Variants in UPF2 observed in about 807,000 individuals in gnomAD.
The protein encoded by UPF2 is UPF2 regulator of nonsense mediated mRNA decay.
Under a neutral mutation model 141.4 loss-of-function variants are expected in UPF2, and 17 were observed. The observed-to-expected ratio is 0.12, with a 90% CI of 0.08 to 0.18. The LOEUF (loss-of-function observed/expected upper bound fraction) is 0.18. Ranked by LOEUF, UPF2 falls within the 10% of genes least tolerant of loss-of-function variation. The pLI is 1.00. For synonymous variants in UPF2, 540 were observed against 498.0 expected, an observed-to-expected ratio of 1.08 and a Z score of -1.12; for missense variants, 1,152 against 1,515.9, an observed-to-expected ratio of 0.76 and a Z score of 3.99.
chr10:12,041,083 G>T (rs1042681855), intron 1 of UPF2, among the ~76,000 whole-genome samples: 1 of 152,074 alleles, frequency 6.6e-6, no homozygotes, highest in Non-Finnish European at 1.5e-5. Flanking sequence ...TACAAACACC[G>T]TGATTCACCT....
At chr10:12,004,188 G>A (rs182459688) in intron 5 of UPF2, among the ~76,000 whole-genome samples, 106 of 152,242 alleles carry the variant, frequency 7.0e-4, no homozygotes, top group Non-Finnish European at 4.4e-5. Flanking sequence ...GGCAGTACAG[G>A]TAATGAGCAT....
chr10:12,029,437 A>G lies in UPF2; in HGVS notation c.453T>C (p.Ala151=). 6.2e-7 allele frequency: 1 copy of G among 1,613,904 alleles called. No individual in the cohort carries two copies. Among genetic ancestry groups the G allele is most frequent in the Non-Finnish European group, 8.5e-7 (1 of 1,179,998 alleles). Residue 151 remains alanine, a synonymous_variant, in exon 3 of 22, where the codon GCT becomes GCC. Transcript: ENST00000357604. ...RKELRSKNQN[A]PDSRPEENFF... is the part of the protein sequence containing the mutation. Reference sequence around the variant, plus strand: ...AGTTTTCCTCTGGTCGGCTGTCCGGAGCATTTTGGTTTTTGCTACGAAGTT... The same window carrying G: ...AGTTTTCCTCTGGTCGGCTGTCCGGGGCATTTTGGTTTTTGCTACGAAGTT...
intron 16 of UPF2, among the ~76,000 whole-genome samples, chr10:11,945,556 C>A (rs4509670): frequency 0.023 from 3,470 of 152,292 alleles, 144 homozygotes; most frequent in African/African-American, 0.079. Context: ...GAACCTCCCT[C>A]TGCACATTTT....
chr10:11,946,892 T>C (rs534253567), intron 16 of UPF2, among the ~76,000 whole-genome samples: 1 of 152,298 alleles, frequency 6.6e-6, no homozygotes, highest in East Asian at 1.9e-4. Flanking sequence ...TAAACGTAAG[T>C]GAGTTTGGAA....
In UPF2 at chr10:11,956,832, T is replaced by TCC. The variant is rs971399856; in HGVS notation, c.2371-311_2371-310dup. 6.6e-6 allele frequency among the ~76,000 whole-genome samples: 1 copy of TCC among 151,754 alleles called. No homozygotes were observed. ...CAGGAGTTTGGAGTAGGTTTCTTTTTCCCCCCCAGACACAGTCTCACTCTG... is the reference window on the plus strand; with the variant it reads ...CAGGAGTTTGGAGTAGGTTTCTTTTTCCCCCCCCCAGACACAGTCTCACTCTG... On this transcript the variant is annotated intron_variant, in intron 12 of 21. Coordinates refer to ENST00000357604, the MANE Select transcript of UPF2 (RefSeq NM_015542.4). The surrounding 1 kb of genome is among the most constrained non-coding windows in gnomAD (Gnocchi z 4.2).
chr10:11,922,504 T>A (rs576690578), intron 21 of UPF2, among the ~76,000 whole-genome samples: 2 of 152,306 alleles, frequency 1.3e-5, no homozygotes, highest in South Asian at 2.1e-4. Flanking sequence ...AAAAGGCAGC[T>A]ATCTAACCTA....
intron 18 of UPF2, among the ~76,000 whole-genome samples, chr10:11,942,455 T>G (rs1832948401): frequency 6.6e-6 from 1 of 152,160 alleles, no homozygotes; most frequent in Non-Finnish European, 1.5e-5. Context: ...ATCTTGTGTG[T>G]GTTGCATTTT....
At position 11,944,597 on chromosome 10, in the gene UPF2, G is replaced by T. The variant is rs182140264; in HGVS notation, c.3175-1429C>A. Among the ~76,000 whole-genome samples the T allele has an allele frequency of 2.0e-5, 3 of 152,018 alleles. No individual in the cohort carries two copies. The East Asian group carries it at 5.8e-4, about 29-fold the overall frequency. On this transcript the variant is annotated intron_variant, in intron 16 of 21. Coordinates refer to ENST00000357604, the MANE Select transcript of UPF2 (RefSeq NM_015542.4). ...ATTCAAAATTAAATTTGCAATAGAGGTACTCTTAAATTTGCTCTTGAAAAA... is the reference window on the plus strand; with the variant it reads ...ATTCAAAATTAAATTTGCAATAGAGTTACTCTTAAATTTGCTCTTGAAAAA...
rs549713638 is a variant in UPF2 at position 11,968,146 on chromosome 10, T to G, written c.1954-692A>C. ...GTGAGCCAAGATCATGCCACTGCAC[T>G]CCAGCCTGGGTGACAAGAGCAAGAC... On this transcript the variant is annotated intron_variant, in intron 9 of 21. Transcript: ENST00000357604. Among the ~76,000 whole-genome samples, 25 of 152,070 alleles carry G rather than the reference T, an allele frequency of 1.6e-4. 1 individual carries two copies. The highest frequency in any genetic ancestry group is 1.5e-3 in the Admixed American group (23 of 15,266).
At chr10:12,000,132 A>G in intron 6 of UPF2, 123 bp from the exon 7 acceptor site, 2 of 748,214 alleles carry the variant, frequency 2.7e-6, no homozygotes, top group Non-Finnish European at 2.2e-6. Flanking sequence ...GGAAAACATT[A>G]GTCATTTTTT....
Position 12,021,498 on chromosome 10 carries a change from G to A in UPF2, c.1145+7247C>T, listed in dbSNP as rs1400378902. Among the ~76,000 whole-genome samples, 3 of 152,036 alleles carry A rather than the reference G, an allele frequency of 2.0e-5. No individual in the cohort carries two copies. The East Asian group carries it at 5.8e-4, about 29-fold the overall frequency. Reference sequence around the variant, plus strand: ...GACTGCACCATGACACTCCAGCCTGGGTGACAGGGAAAGACCCTGTCTCAA... The same window carrying A: ...GACTGCACCATGACACTCCAGCCTGAGTGACAGGGAAAGACCCTGTCTCAA... On this transcript the variant is annotated intron_variant, in intron 3 of 21. Coordinates refer to ENST00000357604, the MANE Select transcript of UPF2 (RefSeq NM_015542.4).
chr10:11,990,457 G>T (rs1025058430), intron 8 of UPF2, among the ~76,000 whole-genome samples: 4 of 152,140 alleles, frequency 2.6e-5, no homozygotes, highest in Non-Finnish European at 4.4e-5. Flanking sequence ...AGGCCGGGTG[G>T]ATCACGAGGT....
At chr10:11,950,784 G>T (rs1397550895) in intron 15 of UPF2, among the ~76,000 whole-genome samples, 1 of 152,220 alleles carries the variant, frequency 6.6e-6, no homozygotes, top group Non-Finnish European at 1.5e-5. Context: ...AAAAGGAAAA[G>T]AAAGTAGGTA....
In UPF2 at chr10:12,028,845, G is replaced by T; in HGVS notation, c.1045C>A (p.Gln349Lys). 6.2e-7 allele frequency: 1 copy of T among 1,614,092 alleles called. No homozygotes were observed. Among genetic ancestry groups the T allele is most frequent in the Non-Finnish European group, 8.5e-7 (1 of 1,180,012 alleles). ...TTTAAAAGATTCTGGAAGGGCTGTT[G>T]TTTCTCTGGACTAATTATCTCACTA... The part of the protein sequence containing the change: ...PPSEIISPEK[Q>K]QPFQNLLKEY... Residue 349 changes from glutamine to lysine, a missense_variant, in exon 3 of 22, where the codon CAA (glutamine) becomes AAA (lysine). Physicochemically the swap from Gln to Lys is moderately conservative, Grantham distance 53. Around this residue, in one of 4 missense-constraint regions of UPF2, gnomAD observed 739 missense variants for 1,032.2 expected, o/e 0.72. Transcript: ENST00000357604.
chr10:11,963,692 CA>C (rs1280273913), intron 11 of UPF2, among the ~76,000 whole-genome samples: 2 of 152,204 alleles, frequency 1.3e-5, no homozygotes, highest in African/African-American at 4.8e-5. Flanking sequence ...ACATTCATAA[CA>C]TAACAAAAAC....
intron 6 of UPF2, among the ~76,000 whole-genome samples, chr10:12,000,529 C>A (rs187341824): frequency 1.6e-4 from 25 of 152,224 alleles, no homozygotes; most frequent in Non-Finnish European, 2.9e-5. Flanking sequence ...CCTATAATGC[C>A]AGGGCCTTGG....
At chr10:11,976,724 A>G (rs756799889) in intron 9 of UPF2, among the ~76,000 whole-genome samples, 8 of 152,202 alleles carry the variant, frequency 5.3e-5, no homozygotes, top group Non-Finnish European at 1.0e-4. Context: ...CAATCCCAAC[A>G]AAGAAACTCA....
At chr10:11,985,332 T>A (rs899322758) in intron 8 of UPF2, among the ~76,000 whole-genome samples, 1 of 152,100 alleles carries the variant, frequency 6.6e-6, no homozygotes, top group African/African-American at 2.4e-5. Context: ...TCAACGTTAG[T>A]CCTGCTTAAG....
chr10:11,928,904 C>A (rs925801328), intron 21 of UPF2, among the ~76,000 whole-genome samples: 2 of 152,242 alleles, frequency 1.3e-5, no homozygotes, highest in African/African-American at 4.8e-5. Context: ...AATCCCAGCA[C>A]TTTGGGAGGC....
Sources: gnomAD v4.1 joint callset for allele counts (sites outside exome capture counted in the v4.1 genomes callset) on GRCh38, gnomAD v4.1.1 for gene constraint, gnomAD v4.1.1 regional missense constraint, Gnocchi (gnomAD v3.1) non-coding constraint, MANE v1.5 for transcripts, NCBI Gene and HGNC (gene_info 2026-07-23, HGNC 2026-07-21) for gene names.